LYZL1: variants seen among roughly 807,000 people sequenced by gnomAD.
The protein encoded by LYZL1 is lysozyme-like protein 1.
LYZL1 carries 16 observed loss-of-function variants against 17.9 expected under a neutral mutation model. The observed-to-expected ratio is 0.90, with a 90% CI of 0.61 to 1.36. The LOEUF (loss-of-function observed/expected upper bound fraction) is 1.36. Among genes scored for constraint, LYZL1 ranks in the 40% most tolerant of loss-of-function variants. LYZL1 has a pLI of 0.00. For synonymous variants in LYZL1, 58 were observed against 71.8 expected, an observed-to-expected ratio of 0.81 and a Z score of 0.97; for missense variants, 149 against 188.4, an observed-to-expected ratio of 0.79 and a Z score of 1.22.
At chr10:29,317,938 T>A (rs907226325) in intron 4 of LYZL1, among the ~76,000 whole-genome samples, 2 of 144,594 alleles carry the variant, frequency 1.4e-5, no homozygotes, top group African/African-American at 5.4e-5. Flanking sequence ...AGTGAGACCC[T>A]GTCTCTTTAA....
At chr10:29,289,864 G>T (rs2429504) in intron 1 of LYZL1, among the ~76,000 whole-genome samples, 1 of 151,986 alleles carries the variant, frequency 6.6e-6, no homozygotes, top group Admixed American at 6.5e-5. Flanking sequence ...CACAATTACT[G>T]AACTCTGCCA....
chr10:29,308,965 A>T (rs1835633628), intron 3 of LYZL1, among the ~76,000 whole-genome samples: 1 of 152,096 alleles, frequency 6.6e-6, no homozygotes, highest in African/African-American at 2.4e-5. Context: ...ATCCTGTTTC[A>T]GAAAAAAGGA....
downstream of LYZL1, among the ~76,000 whole-genome samples, chr10:29,315,592 C>A (rs1307253702): frequency 1.3e-5 from 2 of 151,944 alleles, no homozygotes; most frequent in African/African-American, 4.8e-5. Context: ...GTGGCTCATG[C>A]CTGTAATCCT....
At chr10:29,291,237 A>G (rs1254348270) in intron 1 of LYZL1, among the ~76,000 whole-genome samples, 2 of 152,226 alleles carry the variant, frequency 1.3e-5, no homozygotes, top group African/African-American at 4.8e-5. Context: ...GATTCTTACA[A>G]TAAAGTAAGC....
At chr10:29,293,550 C>T (rs1466736265) in intron 3 of LYZL1, among the ~76,000 whole-genome samples, 1 of 152,152 alleles carries the variant, frequency 6.6e-6, no homozygotes, top group Non-Finnish European at 1.5e-5. Flanking sequence ...ATACATCAGG[C>T]ATGAATTCTG....
chr10:29,290,633 G>C (rs1835349635), intron 1 of LYZL1, among the ~76,000 whole-genome samples: 1 of 152,210 alleles, frequency 6.6e-6, no homozygotes, highest in African/African-American at 2.4e-5. Flanking sequence ...AAGGTCAGGA[G>C]TTTGAAATGA....
chr10:29,309,268 G>A (rs956931040), intron 3 of LYZL1, among the ~76,000 whole-genome samples: 2 of 151,928 alleles, frequency 1.3e-5, no homozygotes, highest in African/African-American at 4.8e-5. Context: ...GGCAGAGGCT[G>A]CAGTGAGCCG....
intron 3 of LYZL1, among the ~76,000 whole-genome samples, chr10:29,302,174 A>C (rs1835528222): frequency 6.6e-6 from 1 of 152,206 alleles, no homozygotes; most frequent in African/African-American, 2.4e-5. Context: ...CCTCTGCACA[A>C]GGAATCATTT....
intron 3 of LYZL1, among the ~76,000 whole-genome samples, chr10:29,295,865 G>A (rs530788358): frequency 1.3e-5 from 2 of 152,268 alleles, no homozygotes; most frequent in East Asian, 3.9e-4. Context: ...GCTGGGAATG[G>A]CCCTCAGGTG....
intron 3 of LYZL1, among the ~76,000 whole-genome samples, chr10:29,293,057 A>T (rs1835395663): frequency 6.6e-6 from 1 of 151,116 alleles, no homozygotes; most frequent in Non-Finnish European, 1.5e-5. Flanking sequence ...GCAGAATGAG[A>T]TGAATACACT....
At chr10:29,310,008 C>A in intron 3 of LYZL1, 102 bp from the exon 4 acceptor site, 1 of 785,154 alleles carries the variant, frequency 1.3e-6, no homozygotes, top group Non-Finnish European at 2.1e-6. Flanking sequence ...TCTTCCAACC[C>A]TCTTGATCCA....
chr10:29,297,464 G>A (rs1461624781), intron 3 of LYZL1, among the ~76,000 whole-genome samples: 1 of 152,120 alleles, frequency 6.6e-6, no homozygotes, highest in East Asian at 1.9e-4. Flanking sequence ...TGGTCATTGT[G>A]TGACTCAAAA....
At chr10:29,297,617 G>T (rs144073415) in intron 3 of LYZL1, among the ~76,000 whole-genome samples, 33 of 152,244 alleles carry the variant, frequency 2.2e-4, no homozygotes, top group African/African-American at 7.9e-4. Flanking sequence ...TATCCACATT[G>T]TATACACTAT....
rs774019051 is a variant in LYZL1 at position 29,292,520 on chromosome 10, G to T, written c.141G>T (p.Trp47Cys). The T allele has an allele frequency of 1.2e-6, 2 of 1,613,578 alleles. No individual in the cohort carries two copies. The highest frequency in any genetic ancestry group is 8.5e-7 in the Non-Finnish European group (1 of 1,179,878). Residue 47 changes from tryptophan (W) to cysteine (C), a missense_variant and splice_region_variant, in exon 3 of 5, where the codon TGG (tryptophan) becomes TGT (cysteine). Trp to Cys is a radical substitution (Grantham distance 215). Around this residue, in one of 2 missense-constraint regions of LYZL1, gnomAD observed 130 missense variants for 132.5 expected, o/e 0.98. Transcript: ENST00000649382. ...DNYWGFSLGN[W>C]ICMAYYESGY... is the part of the protein sequence containing the mutation. ...CGTTTCTGGCTTTCCCCCCTCCAGG[G>T]ATCTGCATGGCATATTATGAGAGCG...
chr10:29,299,629 T>A (rs1835490577), intron 3 of LYZL1, among the ~76,000 whole-genome samples: 1 of 152,212 alleles, frequency 6.6e-6, no homozygotes, highest in African/African-American at 2.4e-5. Context: ...TCGAGGACTG[T>A]TATGTCTTTG....
intron 3 of LYZL1, 136 bp from the exon 4 acceptor site, chr10:29,309,974 T>C: frequency 1.6e-6 from 1 of 610,134 alleles, no homozygotes; most frequent in South Asian, 2.6e-5. Flanking sequence ...AATAAGATTG[T>C]GGCTTTGCAG....
intron 3 of LYZL1, among the ~76,000 whole-genome samples, chr10:29,306,496 G>A (rs1835592966): frequency 8.1e-6 from 1 of 123,264 alleles, no homozygotes; most frequent in Non-Finnish European, 1.6e-5. Context: ...CTTGCAGTGA[G>A]CCGAGATCCC....
At chr10:29,297,238 G>A (rs1180808942) in intron 3 of LYZL1, among the ~76,000 whole-genome samples, 1 of 152,088 alleles carries the variant, frequency 6.6e-6, no homozygotes, top group East Asian at 1.9e-4. Flanking sequence ...GAAAAAAAGA[G>A]ATGAGTGAAA....
At chr10:29,303,176 C>T (rs1028905618) in intron 3 of LYZL1, among the ~76,000 whole-genome samples, 4 of 152,166 alleles carry the variant, frequency 2.6e-5, no homozygotes, top group South Asian at 2.1e-4. Context: ...GGTGGAATCC[C>T]TTTGCAGATT....
Sources: allele counts gnomAD v4.1 joint callset (sites outside exome capture counted in the v4.1 genomes callset), GRCh38; gene constraint gnomAD v4.1.1; regional missense constraint gnomAD v4.1.1; transcripts MANE v1.5; gene names NCBI Gene and HGNC (gene_info 2026-07-23, HGNC 2026-07-21).